Variants in LDLRAD3 observed in about 807,000 individuals in gnomAD.
LDLRAD3 encodes the protein low-density lipoprotein receptor class A domain-containing protein 3.
In LDLRAD3, 20 loss-of-function variants were observed where a neutral mutation model predicts 29.4. That is an observed-to-expected ratio of 0.68 (90% CI 0.48 to 0.99). LDLRAD3 has a LOEUF of 0.99. Ranked by LOEUF, LDLRAD3 falls within the 50% of genes least tolerant of loss-of-function variation. LDLRAD3 has a pLI of 0.00. For synonymous variants in LDLRAD3, 157 were observed against 192.7 expected, an observed-to-expected ratio of 0.81 and a Z score of 1.53; for missense variants, 420 against 454.3, an observed-to-expected ratio of 0.92 and a Z score of 0.69.
chr11:36,180,557 C>A lies in LDLRAD3; in HGVS notation c.455-46528C>A, dbSNP rs188593242. Among the ~76,000 whole-genome samples the A allele has an allele frequency of 6.6e-5, 10 of 152,158 alleles. No homozygotes were observed. The East Asian group carries it at 1.9e-3, about 30-fold the overall frequency. ...AGGAGGCGTGTGCCAGACAGTGAAG[C>A]CTTATGAGGCATTGAAGGGACTTTT... On this transcript the variant is annotated intron_variant, in intron 4 of 5. Coordinates refer to ENST00000315571, the MANE Select transcript of LDLRAD3 (RefSeq NM_174902.4).
intron 1 of LDLRAD3, among the ~76,000 whole-genome samples, chr11:35,984,952 T>C (rs1331890508): frequency 6.9e-6 from 1 of 145,236 alleles, no homozygotes; most frequent in Non-Finnish European, 1.5e-5. Context: ...TTTTTTTTTT[T>C]TCCCTGAGAC....
intron 1 of LDLRAD3, among the ~76,000 whole-genome samples, chr11:35,975,079 T>C (rs769949131): frequency 1.2e-4 from 19 of 152,308 alleles, no homozygotes; most frequent in Non-Finnish European, 2.5e-4. Context: ...TAAGACCCTT[T>C]GGCAGCTCTT....
At chr11:35,976,827 G>A (rs563236243) in intron 1 of LDLRAD3, among the ~76,000 whole-genome samples, 15 of 152,160 alleles carry the variant, frequency 9.9e-5, no homozygotes, top group Non-Finnish European at 2.2e-4. Context: ...CAAGGTGGAC[G>A]GTGATTTAAG....
chr11:36,135,076 A>C lies in LDLRAD3; in HGVS notation c.454+36615A>C, dbSNP rs1853984624. On this transcript the variant is annotated intron_variant, in intron 4 of 5. Transcript: ENST00000315571. ...TCACTGTTGTAGGTGCAGCAAAAGAAGAGTGATGTTTGGTGGATACTTGGG... is the reference window on the plus strand; with the variant it reads ...TCACTGTTGTAGGTGCAGCAAAAGACGAGTGATGTTTGGTGGATACTTGGG... Among the ~76,000 whole-genome samples the C allele has an allele frequency of 3.3e-5, 5 of 152,292 alleles. No homozygotes were observed. The South Asian group carries it at 1.0e-3, about 32-fold the overall frequency.
Position 36,035,410 on chromosome 11 carries a change from G to C in LDLRAD3, c.47-693G>C, listed in dbSNP as rs184537395. On this transcript the variant is annotated intron_variant, in intron 1 of 5. Transcript: ENST00000315571. ...CCTGAGGGTTGGCTGTTCGGGTTGG[G>C]GGCTTTGGCACTTTATGACCATGTT... 1.3e-3 allele frequency among the ~76,000 whole-genome samples: 205 copies of C among 152,212 alleles called. 2 individuals carry two copies. The highest frequency in any genetic ancestry group is 4.7e-3 in the African/African-American group (196 of 41,522).
At chr11:36,154,095 T>C (rs2422179) in intron 4 of LDLRAD3, among the ~76,000 whole-genome samples, 85,253 of 151,936 alleles carry the variant, frequency 0.56, 24,694 homozygotes, top group East Asian at 0.69. Flanking sequence ...TGGCATAAAC[T>C]GCTTGACTTC....
At chr11:36,140,713 G>T (rs1480421420) in intron 4 of LDLRAD3, among the ~76,000 whole-genome samples, 3 of 152,098 alleles carry the variant, frequency 2.0e-5, no homozygotes, top group Non-Finnish European at 4.4e-5. Context: ...GAGCCACCGT[G>T]CCTGACGTTG....
At chr11:36,051,959 A>C (rs1451980364) in intron 2 of LDLRAD3, among the ~76,000 whole-genome samples, 3 of 151,758 alleles carry the variant, frequency 2.0e-5, no homozygotes, top group Non-Finnish European at 4.4e-5. Context: ...ATGACTGAAA[A>C]GCTGCTGGAA....
intron 1 of LDLRAD3, among the ~76,000 whole-genome samples, chr11:35,958,911 A>T (rs263087): frequency 0.97 from 148,114 of 152,212 alleles, 72,069 homozygotes; most frequent in East Asian, 1. Flanking sequence ...TCTCGTCTAG[A>T]TTGCAGACCC....
At chr11:36,179,735 A>G (rs1262700686) in intron 4 of LDLRAD3, among the ~76,000 whole-genome samples, 3 of 151,586 alleles carry the variant, frequency 2.0e-5, no homozygotes, top group South Asian at 2.1e-4. Context: ...GCTCATGCCT[A>G]TAATTCCAGC....
At chr11:36,196,865 T>G (rs755250194) in intron 4 of LDLRAD3, 16 of 152,192 alleles carry the variant, frequency 1.1e-4, no homozygotes, top group Non-Finnish European at 2.2e-4. Flanking sequence ...TTGGCATATC[T>G]TAACCCTGGT....
intron 4 of LDLRAD3, among the ~76,000 whole-genome samples, chr11:36,139,524 C>T (rs912682717): frequency 2.0e-5 from 3 of 152,168 alleles, no homozygotes; most frequent in Non-Finnish European, 4.4e-5. Flanking sequence ...ATGAATTGAG[C>T]ACCTGATGTT....
At chr11:36,030,644 G>T (rs561444829) in intron 1 of LDLRAD3, among the ~76,000 whole-genome samples, 1 of 152,200 alleles carries the variant, frequency 6.6e-6, no homozygotes, top group South Asian at 2.1e-4. Context: ...ATGTGTGTCT[G>T]TACCTATGTA....
intron 3 of LDLRAD3, among the ~76,000 whole-genome samples, chr11:36,086,139 TTC>T (rs780083266): frequency 7.2e-5 from 11 of 152,194 alleles, no homozygotes; most frequent in Non-Finnish European, 1.3e-4. Context: ...TGCTGAGACT[TTC>T]TGTTTTTCCA....
At chr11:35,946,921 C>G (rs895956265) in intron 1 of LDLRAD3, among the ~76,000 whole-genome samples, 8 of 152,196 alleles carry the variant, frequency 5.3e-5, no homozygotes, top group Non-Finnish European at 1.0e-4. Flanking sequence ...TACAAATAAA[C>G]ACACCTTGTT....
chr11:36,187,788 T>A (rs568538748), intron 4 of LDLRAD3, among the ~76,000 whole-genome samples: 3 of 152,320 alleles, frequency 2.0e-5, no homozygotes, highest in Admixed American at 1.3e-4. Context: ...GGACATTTCT[T>A]TTGAATGCCA....
intron 2 of LDLRAD3, among the ~76,000 whole-genome samples, chr11:36,068,718 G>A (rs1419154787): frequency 5.3e-5 from 8 of 152,058 alleles, no homozygotes; most frequent in Non-Finnish European, 8.8e-5. Context: ...GGGTTTCACC[G>A]TGTTAGCCAG....
At position 36,092,435 on chromosome 11, in the gene LDLRAD3, G is replaced by A. The variant is rs11033413; in HGVS notation, c.320-5892G>A. 6.2e-3 allele frequency among the ~76,000 whole-genome samples: 939 copies of A among 152,224 alleles called. 6 individuals are homozygous for A. The highest frequency in any genetic ancestry group is 0.035 in the South Asian group (170 of 4,816). On this transcript the variant is annotated intron_variant, in intron 3 of 5. Coordinates refer to ENST00000315571, the MANE Select transcript of LDLRAD3 (RefSeq NM_174902.4). ...CAAGTGCAGTACATTTTTGTTAAGT[G>A]TATTCACCCTACTCTGGTTTCCTTT...
intron 1 of LDLRAD3, among the ~76,000 whole-genome samples, chr11:35,966,675 A>G (rs1412581274): frequency 1.3e-5 from 2 of 152,168 alleles, no homozygotes; most frequent in Non-Finnish European, 2.9e-5. Flanking sequence ...CTGCAATTAA[A>G]CAACCAGCTC....
Sources: allele counts gnomAD v4.1 joint callset (sites outside exome capture counted in the v4.1 genomes callset), GRCh38; gene constraint gnomAD v4.1.1; transcripts MANE v1.5; gene names NCBI Gene and HGNC (gene_info 2026-07-23, HGNC 2026-07-21).